KANSL1: variants seen among roughly 807,000 people sequenced by gnomAD.
The protein encoded by KANSL1 is MLL1/MLL complex subunit KANSL1.
Under a neutral mutation model 103.6 loss-of-function variants are expected in KANSL1, and 22 were observed. The ratio of observed to expected loss-of-function variants is 0.21; its 90% CI spans 0.15 to 0.30. The LOEUF (loss-of-function observed/expected upper bound fraction) is 0.30, where lower values mean the gene tolerates loss of function less well. Among genes scored for constraint, KANSL1 ranks in the 10% least tolerant of loss-of-function variants. The probability of loss-of-function intolerance (pLI) is 1.00; values close to 1 mark genes in which losing one functional copy is unlikely to be tolerated. For synonymous variants in KANSL1, 600 were observed against 527.6 expected (o/e 1.14, Z -1.88); for missense variants, 1,337 against 1,399.8 (o/e 0.96, Z 0.72).
chr17:46,166,532 T>C (rs1176475163), intron 2 of KANSL1, among the ~76,000 whole-genome samples: 1 of 151,196 alleles, frequency 6.6e-6, no homozygotes, highest in Non-Finnish European at 1.5e-5. Flanking sequence ...AAAAAATTCC[T>C]GAGGGTGAGA....
intron 6 of KANSL1, among the ~76,000 whole-genome samples, chr17:46,057,684 C>A (rs1349140757): frequency 6.6e-6 from 1 of 152,146 alleles, no homozygotes; most frequent in Non-Finnish European, 1.5e-5. Flanking sequence ...AGAAAAACAT[C>A]ACTGTTTTTT....
In KANSL1 at chr17:46,141,128, T is replaced by A. The variant is rs1470038012; in HGVS notation, c.1289+29727A>T. 2.0e-5 allele frequency among the ~76,000 whole-genome samples: 3 copies of A among 152,364 alleles called. 1 individual carries two copies. The South Asian group carries it at 6.2e-4, about 32-fold the overall frequency. On this transcript the variant is annotated intron_variant, in intron 2 of 14. Coordinates refer to ENST00000432791, the MANE Select transcript of KANSL1 (RefSeq NM_015443.4). ...TTAACTAAAGTACTTGTATTTCTCT[T>A]TACAAAACTAAGTTATGTAAGAACT...
intron 2 of KANSL1, among the ~76,000 whole-genome samples, chr17:46,154,813 T>C (rs942908134): frequency 6.6e-6 from 1 of 152,230 alleles, no homozygotes; most frequent in Non-Finnish European, 1.5e-5. Context: ...ATGGTTTATA[T>C]GATGCCATCT....
chr17:46,164,880 T>C (rs1428378281), intron 2 of KANSL1, among the ~76,000 whole-genome samples: 1 of 152,244 alleles, frequency 6.6e-6, no homozygotes, highest in Non-Finnish European at 1.5e-5. Context: ...AAGAAGGGTT[T>C]AGCTGAGAAG....
At chr17:46,121,816 T>C (rs924144780) in intron 2 of KANSL1, among the ~76,000 whole-genome samples, 7 of 152,304 alleles carry the variant, frequency 4.6e-5, no homozygotes, top group Admixed American at 3.3e-4. Flanking sequence ...CCATCATAAT[T>C]TGAAAATATC....
At chr17:46,156,614 TAAA>T (rs2045442384) in intron 2 of KANSL1, among the ~76,000 whole-genome samples, 1 of 152,248 alleles carries the variant, frequency 6.6e-6, no homozygotes, top group South Asian at 2.1e-4. Context: ...TTTAAAATAC[TAAA>T]ACGAAACAGA....
intron 7 of KANSL1, chr17:46,041,229 A>G (rs1248290995): frequency 6.6e-6 from 1 of 152,228 alleles, no homozygotes; most frequent in Admixed American, 6.5e-5. Flanking sequence ...ACATAAGTAC[A>G]TCATCTACAA....
rs139678933 is a variant in KANSL1, at chr17:46,036,758, C to T, written c.2541+1780G>A. On this transcript the variant is annotated intron_variant, in intron 10 of 14. Coordinates refer to ENST00000432791, the MANE Select transcript of KANSL1 (RefSeq NM_015443.4). Reference sequence around the variant, plus strand: ...TTTTTGAGACGAAGTCTTGCTGCGACGCCCAGGCTTGAGTGCAATGGCTTG... The same window carrying T: ...TTTTTGAGACGAAGTCTTGCTGCGATGCCCAGGCTTGAGTGCAATGGCTTG... Among the ~76,000 whole-genome samples the T allele has an allele frequency of 5.6e-3, 847 of 151,290 alleles. 3 individuals are homozygous for T. Among genetic ancestry groups the T allele is most frequent in the Non-Finnish European group, 8.7e-3 (593 of 67,886 alleles).
In KANSL1 at chr17:46,221,261, C is replaced by G. The variant is rs547581672; in HGVS notation, c.-90+2410G>C. 6 of 152,158 alleles carry G rather than the reference C, an allele frequency of 3.9e-5. No individual in the cohort carries two copies. In the East Asian group the frequency reaches 1.2e-3, roughly 29 times the overall value. The allele number at this position is 152,158 out of a possible 1,614,324, so 9.4% of individuals were successfully genotyped here. ...GGCATCCAGCAGCCCTAAGAACTAC[C>G]TGAAACAACTGATGATGGCTCCATG... On this transcript the variant is annotated intron_variant, in intron 1 of 14. Coordinates refer to the KANSL1 transcript ENST00000572904.
intron 6 of KANSL1, among the ~76,000 whole-genome samples, chr17:46,061,193 G>T (rs1461393309): frequency 6.6e-6 from 1 of 152,062 alleles, no homozygotes; most frequent in Non-Finnish European, 1.5e-5. Context: ...AGTAAATTGA[G>T]AATGAGAACA....
At chr17:46,105,878 C>CAGAGCAAGGCCTTG (rs374704858) in intron 2 of KANSL1, among the ~76,000 whole-genome samples, 8 of 93,450 alleles carry the variant, frequency 8.6e-5, no homozygotes, top group East Asian at 1.4e-3. Context: ...CACACACACA[C>CAGAGCAAGGCCTTG]ACACACACAC....
intron 1 of KANSL1, among the ~76,000 whole-genome samples, chr17:46,211,426 T>C (rs1161653491): frequency 6.6e-6 from 1 of 152,244 alleles, no homozygotes; most frequent in African/African-American, 2.4e-5. Flanking sequence ...CATAATGTTT[T>C]AAGAAAGTTT....
chr17:46,171,025 G>T lies in KANSL1; in HGVS notation c.1119C>A (p.Ser373Arg). The T allele has an allele frequency of 6.2e-7, 1 of 1,614,184 alleles. No homozygotes were observed. The highest frequency in any genetic ancestry group is 8.5e-7 in the Non-Finnish European group (1 of 1,180,056). Residue 373 changes from serine to arginine, a missense_variant, in exon 2 of 15, where the codon AGC becomes AGA. Ser to Arg is a moderately radical substitution (Grantham distance 110). Coordinates refer to ENST00000432791, the MANE Select transcript of KANSL1 (RefSeq NM_015443.4). ...TSEGLSNFLK[S>R]NSISEELERF... ...TCTCCAATTCTTCTGAAATTGAATT[G>T]CTTTTCAGAAAGTTGCTAAGTCCCT...
intron 3 of KANSL1, chr17:46,088,590 G>C (rs1187214885): frequency 1.3e-5 from 2 of 152,156 alleles, no homozygotes; most frequent in African/African-American, 4.8e-5. Flanking sequence ...GTCAGAAGAG[G>C]AGATTTTAAA....
At chr17:46,177,995 T>C (rs2046608643) in intron 1 of KANSL1, among the ~76,000 whole-genome samples, 1 of 152,118 alleles carries the variant, frequency 6.6e-6, no homozygotes, top group South Asian at 2.1e-4. Flanking sequence ...GCCAGGATGG[T>C]CTCCATCTCC....
At chr17:46,109,856 G>A (rs1358400309) in intron 2 of KANSL1, among the ~76,000 whole-genome samples, 2 of 152,140 alleles carry the variant, frequency 1.3e-5, no homozygotes, top group East Asian at 1.9e-4. Flanking sequence ...TTTGAAAAAC[G>A]TATACTCCTT....
chr17:46,133,139 G>C (rs538866418), intron 2 of KANSL1, among the ~76,000 whole-genome samples: 1 of 152,192 alleles, frequency 6.6e-6, no homozygotes, highest in Non-Finnish European at 1.5e-5. Flanking sequence ...AGGTTCAGGT[G>C]TGAGATGGAT....
chr17:46,111,223 T>C (rs1173518735), intron 2 of KANSL1, among the ~76,000 whole-genome samples: 1 of 152,216 alleles, frequency 6.6e-6, no homozygotes, highest in African/African-American at 2.4e-5. Flanking sequence ...TGAAAGATAA[T>C]TTTTAAAGAT....
rs1334137328 is a variant in KANSL1 at position 46,046,136 on chromosome 17, G to C, written c.2020+4397C>G. The C allele has an allele frequency of 2.6e-5, 4 of 152,156 alleles. No homozygotes were observed. In the East Asian group the frequency reaches 7.7e-4, roughly 29 times the overall value. The allele number at this position is 152,156 out of a possible 1,614,324, so 9.4% of individuals were successfully genotyped here. The stretch of plus-strand genomic sequence containing the variant: ...GGAAGGACAGGCATCAGATAATCTG[G>C]GTCTGAACTGTGAAGGCATTCAAAC... On this transcript the variant is annotated intron_variant, in intron 7 of 14. Transcript: ENST00000432791.
Sources: gnomAD v4.1 joint callset for allele counts (sites outside exome capture counted in the v4.1 genomes callset) on GRCh38, gnomAD v4.1.1 for gene constraint, MANE v1.5 for transcripts, NCBI Gene and HGNC (gene_info 2026-07-23, HGNC 2026-07-21) for gene names.